ZNF292: variants seen among roughly 807,000 people sequenced by gnomAD.
ZNF292 encodes the protein zinc finger protein 292, also known as 16 zinc-finger domain protein.
In ZNF292, 26 loss-of-function variants were observed where a neutral mutation model predicts 217.9. That is an observed-to-expected ratio of 0.12 (90% CI 0.09 to 0.17). ZNF292 has a LOEUF of 0.17. ZNF292 is among the 10% of genes least tolerant of loss of function. The pLI is 1.00. For missense variants in ZNF292, 2,904 were observed against 3,175.2 expected, an observed-to-expected ratio of 0.91 and a Z score of 2.05; for synonymous variants, 1,257 against 1,124.1, an observed-to-expected ratio of 1.12 and a Z score of -2.37.
chr6:87,186,199 G>A (rs2127780578), intron 1 of ZNF292, among the ~76,000 whole-genome samples: 1 of 152,308 alleles, frequency 6.6e-6, no homozygotes, highest in East Asian at 1.9e-4. Context: ...AATATACAAG[G>A]ATGCCTTCAG....
intron 1 of ZNF292, among the ~76,000 whole-genome samples, chr6:87,171,734 C>A (rs1002233401): frequency 2.0e-5 from 3 of 152,110 alleles, no homozygotes; most frequent in African/African-American, 7.2e-5. Flanking sequence ...TCAGCTTGGA[C>A]TAGTTAACAT....
At chr6:87,245,745 A>T in intron 7 of ZNF292, 101 bp downstream of exon 7, 1 of 774,526 alleles carries the variant, frequency 1.3e-6, no homozygotes, top group East Asian at 3.1e-5. Context: ...GTGATTTTTA[A>T]ATTTTTTCAG....
At chr6:87,161,597 G>A (rs1770756276) in intron 1 of ZNF292, among the ~76,000 whole-genome samples, 1 of 152,056 alleles carries the variant, frequency 6.6e-6, no homozygotes, top group African/African-American at 2.4e-5. Context: ...AAAATTTTTT[G>A]TGGAGACAAG....
rs1390224000 is a variant in ZNF292, at chr6:87,265,507, A to C, written c.*3706A>C. 2.6e-5 allele frequency among the ~76,000 whole-genome samples: 4 copies of C among 152,156 alleles called. No individual in the cohort carries two copies. Among genetic ancestry groups the C allele is most frequent in the Non-Finnish European group, 5.9e-5 (4 of 68,030 alleles). On this transcript the variant is annotated 3_prime_UTR_variant, in exon 8 of 8. Transcript: ENST00000369577. ...AGTGCAGGTATTACAAGCATGAGCC[A>C]CCACACCCAGCCTCTCTTAAATAAT...
intron 1 of ZNF292, among the ~76,000 whole-genome samples, chr6:87,210,942 C>T (rs1429281306): frequency 8.5e-5 from 13 of 152,102 alleles, no homozygotes; most frequent in Admixed American, 8.5e-4. Flanking sequence ...AAAGAAAAGC[C>T]AGAAACCCAA....
chr6:87,250,704 G>T (rs552625723), intron 7 of ZNF292, among the ~76,000 whole-genome samples: 103 of 152,320 alleles, frequency 6.8e-4, no homozygotes, highest in Non-Finnish European at 1.2e-3. Context: ...AATGCCCCCA[G>T]ATTCTAAAGG....
chr6:87,264,592 T>C lies in ZNF292; in HGVS notation c.*2791T>C, dbSNP rs1016876590. Among the ~76,000 whole-genome samples, 1 of 152,134 alleles carries C rather than the reference T, an allele frequency of 6.6e-6. No homozygotes were observed. The highest frequency in any genetic ancestry group is 2.1e-4 in the South Asian group (1 of 4,828). On this transcript the variant is annotated 3_prime_UTR_variant, in exon 8 of 8. Coordinates refer to ENST00000369577, the MANE Select transcript of ZNF292 (RefSeq NM_015021.3). ...TGTAGAAAATATGAGTTTTGAAAGA[T>C]GAATGAATGCTCATTGGTTCAGGGG...
At chr6:87,225,802 T>C (rs1271373635) in intron 4 of ZNF292, among the ~76,000 whole-genome samples, 1 of 152,084 alleles carries the variant, frequency 6.6e-6, no homozygotes, top group East Asian at 1.9e-4. Context: ...AGAAGTAGAG[T>C]AGTAAGAGTA....
At chr6:87,182,331 T>C (rs1173236007) in intron 1 of ZNF292, among the ~76,000 whole-genome samples, 1 of 152,224 alleles carries the variant, frequency 6.6e-6, no homozygotes, top group Non-Finnish European at 1.5e-5. Context: ...ATGAGAACTT[T>C]TCAATTCTAT....
intron 1 of ZNF292, among the ~76,000 whole-genome samples, chr6:87,171,116 G>T (rs533939046): frequency 6.4e-4 from 98 of 152,108 alleles, no homozygotes; most frequent in Middle Eastern, 6.3e-3. Context: ...ACCTTTTAAA[G>T]AAAGTAGGAT....
In ZNF292 at chr6:87,261,639, A is replaced by G; in HGVS notation, c.8010A>G (p.Leu2670=). ...LQCSDNVKIV[L]DKNLKDCTEL... ...GCAGTGATAATGTAAAAATTGTTTT[A>G]GACAAGAATCTTAAAGATTGCACTG... is the stretch of plus-strand genomic sequence containing the variant. Residue 2670 remains leucine (L), a synonymous_variant, in exon 8 of 8, where the codon TTA becomes TTG. Transcript: ENST00000369577. 6.2e-7 allele frequency: 1 copy of G among 1,611,972 alleles called. No homozygotes were observed. Among genetic ancestry groups the G allele is most frequent in the Non-Finnish European group, 8.5e-7 (1 of 1,178,836 alleles).
At position 87,264,740 on chromosome 6, in the gene ZNF292, G is replaced by A. The variant is rs1366256447; in HGVS notation, c.*2939G>A. ...GCAGATGGGTGGTGGGATCAGGAGTGTTCTTGTATGCTGTATTAAGTCTTT... is the reference window on the plus strand; with the variant it reads ...GCAGATGGGTGGTGGGATCAGGAGTATTCTTGTATGCTGTATTAAGTCTTT... On this transcript the variant is annotated 3_prime_UTR_variant, in exon 8 of 8. Coordinates refer to ENST00000369577, the MANE Select transcript of ZNF292 (RefSeq NM_015021.3). Among the ~76,000 whole-genome samples, 1 of 152,142 alleles carries A rather than the reference G, an allele frequency of 6.6e-6. No individual in the cohort carries two copies. The highest frequency in any genetic ancestry group is 1.5e-5 in the Non-Finnish European group (1 of 68,024).
chr6:87,165,517 C>T (rs994099231), intron 1 of ZNF292, among the ~76,000 whole-genome samples: 3 of 152,196 alleles, frequency 2.0e-5, no homozygotes, highest in Non-Finnish European at 1.5e-5. Flanking sequence ...CTTATCTTTA[C>T]TATGTGTGGC....
Position 87,158,998 on chromosome 6 carries a change from C to G in ZNF292, c.168+3239C>G, listed in dbSNP as rs1344473312. ...GTTGATGCTCAGTGCTTGTGTAACC[C>G]TTAGTTTTGCATTTACTTTAAAAAA... is the stretch of plus-strand genomic sequence containing the variant. On this transcript the variant is annotated intron_variant, in intron 1 of 7. Transcript: ENST00000369577. Among the ~76,000 whole-genome samples, 10 of 152,116 alleles carry G rather than the reference C, an allele frequency of 6.6e-5. 1 individual carries two copies. Among genetic ancestry groups the G allele is most frequent in the Non-Finnish European group, 1.5e-5 (1 of 68,028 alleles).
At chr6:87,163,154 T>G (rs1036401635) in intron 1 of ZNF292, among the ~76,000 whole-genome samples, 7 of 152,072 alleles carry the variant, frequency 4.6e-5, no homozygotes, top group African/African-American at 1.7e-4. Flanking sequence ...TTGTTAAAAT[T>G]CAGTTACATA....
intron 1 of ZNF292, among the ~76,000 whole-genome samples, chr6:87,172,464 G>C (rs971081389): frequency 1.6e-4 from 25 of 152,178 alleles, no homozygotes; most frequent in Admixed American, 1.6e-3. Flanking sequence ...CCAGGAGTCA[G>C]TGAGTGGCGT....
chr6:87,233,414 G>C lies in ZNF292; in HGVS notation c.628G>C (p.Ala210Pro), dbSNP rs776722461. 6.2e-7 allele frequency: 1 copy of C among 1,613,550 alleles called. No individual in the cohort carries two copies. The highest frequency in any genetic ancestry group is 8.5e-7 in the Non-Finnish European group (1 of 1,179,664). ...IKTNQLSQAT[A>P]LAKLCSDHPE... ...AACAAATCAGTTAAGTCAAGCAACT[G>C]CTCTAGCAAAGCTGTGTTCTGACCA... The change falls in exon 5 of 8, where the codon GCT becomes CCT. Residue 210 changes from alanine (A) to proline (P), a missense_variant. Around this residue, in one of 15 missense-constraint regions of ZNF292, gnomAD observed 313 missense variants for 451.0 expected, o/e 0.69. Transcript: ENST00000369577.
chr6:87,233,258 T>A, intron 4 of ZNF292, 67 bp from the exon 5 acceptor site: 1 of 1,115,962 alleles, frequency 9.0e-7, no homozygotes, highest in Non-Finnish European at 1.3e-6. Context: ...ATATTTCTTA[T>A]AAGTGTTGGT....
chr6:87,164,230 TCAGA>T (rs1203425251), intron 1 of ZNF292, among the ~76,000 whole-genome samples: 4 of 152,330 alleles, frequency 2.6e-5, no homozygotes, highest in South Asian at 2.1e-4. Flanking sequence ...CTGGTGGTTG[TCAGA>T]CAGGCTGGTC....
Sources: allele counts gnomAD v4.1 joint callset (sites outside exome capture counted in the v4.1 genomes callset), GRCh38; gene constraint gnomAD v4.1.1; regional missense constraint gnomAD v4.1.1; transcripts MANE v1.5; gene names NCBI Gene and HGNC (gene_info 2026-07-23, HGNC 2026-07-21).